AGFG1: variants seen among roughly 807,000 people sequenced by gnomAD.
The protein encoded by AGFG1 is ArfGAP with FG repeats 1, also known as arf-GAP domain and FG repeat-containing protein 1.
In AGFG1, 10 loss-of-function variants were observed where a neutral mutation model predicts 60.6. The ratio of observed to expected loss-of-function variants is 0.16; its 90% CI spans 0.10 to 0.28. The LOEUF (loss-of-function observed/expected upper bound fraction) is 0.28, where lower values mean the gene tolerates loss of function less well. Ranked by LOEUF, AGFG1 falls within the 10% of genes least tolerant of loss-of-function variation. The pLI, the probability that AGFG1 is intolerant of heterozygous loss-of-function variation, is 1.00. For missense variants in AGFG1, 537 were observed against 676.5 expected (o/e 0.79, Z 2.29); for synonymous variants, 247 against 242.9 (o/e 1.02, Z -0.16).
At chr2:227,537,441 A>C (rs1692346310) in intron 10 of AGFG1, among the ~76,000 whole-genome samples, 1 of 152,154 alleles carries the variant, frequency 6.6e-6, no homozygotes, top group African/African-American at 2.4e-5. Flanking sequence ...ATGAATTCTT[A>C]ATTATTAGGT....
chr2:227,516,932 G>A (rs1292232974), intron 2 of AGFG1, among the ~76,000 whole-genome samples: 1 of 152,060 alleles, frequency 6.6e-6, no homozygotes, highest in African/African-American at 2.4e-5. Flanking sequence ...AAACTTCCAG[G>A]CCTCCCTTTA....
chr2:227,540,285 C>T (rs1692450372), intron 10 of AGFG1, among the ~76,000 whole-genome samples: 1 of 150,604 alleles, frequency 6.6e-6, no homozygotes, highest in Admixed American at 6.6e-5. Flanking sequence ...TGTTGGTGTG[C>T]TGCACCCATT....
chr2:227,502,010 C>T (rs1206844930), intron 2 of AGFG1, among the ~76,000 whole-genome samples: 21 of 152,076 alleles, frequency 1.4e-4, no homozygotes, highest in Admixed American at 1.2e-3. Flanking sequence ...AGGTGCGTGC[C>T]ACCATGCCTG....
At position 227,556,360 on chromosome 2, in the gene AGFG1, T is replaced by A. The variant is rs535122170; in HGVS notation, c.*1865T>A. Reference sequence around the variant, plus strand: ...TAAAAGTGTGGTTTATCTAAACCGTTTTAATAAGCAAGATGACTGGGAAAT... The same window carrying A: ...TAAAAGTGTGGTTTATCTAAACCGTATTAATAAGCAAGATGACTGGGAAAT... On this transcript the variant is annotated 3_prime_UTR_variant, in exon 13 of 13. Transcript: ENST00000310078. 2.6e-5 allele frequency: 4 copies of A among 152,760 alleles called. No individual in the cohort carries two copies. In the South Asian group the frequency reaches 8.3e-4, roughly 32 times the overall value. The allele number at this position is 152,760 out of a possible 1,614,324, so 9.5% of individuals were successfully genotyped here.
chr2:227,547,721 A>C (rs999987316), intron 10 of AGFG1, among the ~76,000 whole-genome samples: 2 of 152,242 alleles, frequency 1.3e-5, no homozygotes, highest in African/African-American at 2.4e-5. Context: ...GAGAAAATAG[A>C]AACCTCGTAT....
chr2:227,507,501 G>C (rs570050219), intron 2 of AGFG1, among the ~76,000 whole-genome samples: 1 of 150,982 alleles, frequency 6.6e-6, no homozygotes, highest in East Asian at 2.0e-4. Flanking sequence ...TGCTTGGGAG[G>C]CTGAGGCAGG....
intron 10 of AGFG1, among the ~76,000 whole-genome samples, chr2:227,548,809 C>T (rs1225185425): frequency 1.3e-5 from 2 of 152,228 alleles, no homozygotes; most frequent in South Asian, 2.1e-4. Flanking sequence ...TGGTGGTGGG[C>T]ACCTGTAGTC....
intron 1 of AGFG1, among the ~76,000 whole-genome samples, chr2:227,480,086 A>G (rs1372231048): frequency 6.6e-6 from 1 of 152,254 alleles, no homozygotes; most frequent in African/African-American, 2.4e-5. Flanking sequence ...AAACTGGAGC[A>G]TGCTCCAAGG....
intron 5 of AGFG1, among the ~76,000 whole-genome samples, chr2:227,528,778 C>G (rs1462767644): frequency 2.0e-5 from 3 of 152,180 alleles, no homozygotes; most frequent in Non-Finnish European, 2.9e-5. Flanking sequence ...ACTCTACAGA[C>G]TAATTTGTAC....
At position 227,539,152 on chromosome 2, in the gene AGFG1, A is replaced by G. The variant is rs556925808; in HGVS notation, c.1378+2159A>G. On this transcript the variant is annotated intron_variant, in intron 10 of 12. Transcript: ENST00000310078. The stretch of plus-strand genomic sequence containing the variant: ...AGAATTTTTTGTTGCCTTCAAATAC[A>G]TTAACACTGGCCAGGCACAGTGGCT... Among the ~76,000 whole-genome samples, 5 of 152,194 alleles carry G rather than the reference A, an allele frequency of 3.3e-5. No individual in the cohort carries two copies. The East Asian group carries it at 7.7e-4, about 23-fold the overall frequency.
chr2:227,534,751 T>C (rs1575105828), intron 7 of AGFG1, 94 bp from the exon 8 acceptor site: 1 of 1,338,792 alleles, frequency 7.5e-7, no homozygotes. Context: ...TCTAAATCCA[T>C]TTTAAGTTTA....
At position 227,542,439 on chromosome 2, in the gene AGFG1, C is replaced by T. The variant is rs116368245; in HGVS notation, c.1378+5446C>T. 6.5e-3 allele frequency among the ~76,000 whole-genome samples: 984 copies of T among 152,242 alleles called. 11 individuals carry two copies. The highest frequency in any genetic ancestry group is 0.022 in the African/African-American group (919 of 41,520). On this transcript the variant is annotated intron_variant, in intron 10 of 12. Transcript: ENST00000310078. ...ATACTCGTGGTTTTAGCCTTTGGTTCTGTGTATATGATGGATTATGTTTAT... is the reference window on the plus strand; with the variant it reads ...ATACTCGTGGTTTTAGCCTTTGGTTTTGTGTATATGATGGATTATGTTTAT...
intron 10 of AGFG1, among the ~76,000 whole-genome samples, chr2:227,542,645 C>T (rs1692525424): frequency 6.6e-6 from 1 of 152,120 alleles, no homozygotes; most frequent in Admixed American, 6.5e-5. Flanking sequence ...CTTTGCCAGG[C>T]TTTGGTATCA....
At chr2:227,479,598 C>G (rs890908775) in intron 1 of AGFG1, among the ~76,000 whole-genome samples, 2 of 152,112 alleles carry the variant, frequency 1.3e-5, no homozygotes, top group Non-Finnish European at 2.9e-5. Context: ...GCATGATGTT[C>G]ACATTTGTGA....
chr2:227,516,223 G>T (rs1046776419), intron 2 of AGFG1, among the ~76,000 whole-genome samples: 9 of 152,200 alleles, frequency 5.9e-5, no homozygotes, highest in Non-Finnish European at 1.3e-4. Context: ...AAAACAGATT[G>T]CTGGGTTCTA....
chr2:227,519,018 C>CA (rs1559183860), intron 2 of AGFG1, among the ~76,000 whole-genome samples: 1 of 151,986 alleles, frequency 6.6e-6, no homozygotes, highest in Non-Finnish European at 1.5e-5. Flanking sequence ...ACAAAAAATA[C>CA]AAAAAATTAG....
chr2:227,551,731 T>C (rs910420806), intron 10 of AGFG1, among the ~76,000 whole-genome samples: 4 of 152,046 alleles, frequency 2.6e-5, no homozygotes, highest in African/African-American at 9.7e-5. Flanking sequence ...CTTTAGTAGT[T>C]AGTTTCATTC....
intron 1 of AGFG1, among the ~76,000 whole-genome samples, chr2:227,479,830 G>T (rs545400780): frequency 6.6e-6 from 1 of 152,158 alleles, no homozygotes; most frequent in South Asian, 2.1e-4. Context: ...TTACACACGA[G>T]AACTATTGCT....
At chr2:227,511,439 G>C (rs1449717694) in intron 2 of AGFG1, among the ~76,000 whole-genome samples, 1 of 152,154 alleles carries the variant, frequency 6.6e-6, no homozygotes, top group Admixed American at 6.6e-5. Flanking sequence ...GCTGAAAGTA[G>C]TCATAGACAA....
Sources: allele counts gnomAD v4.1 joint callset (sites outside exome capture counted in the v4.1 genomes callset), GRCh38; gene constraint gnomAD v4.1.1; transcripts MANE v1.5; gene names NCBI Gene and HGNC (gene_info 2026-07-23, HGNC 2026-07-21).